STK39: variants seen among roughly 807,000 people sequenced by gnomAD.
STK39 encodes STE20/SPS1-related proline-alanine-rich protein kinase.
Under a neutral mutation model 77.8 loss-of-function variants are expected in STK39, and 20 were observed. That is an observed-to-expected ratio of 0.26 (90% CI 0.18 to 0.37). The LOEUF (loss-of-function observed/expected upper bound fraction) is 0.37. STK39 is among the 10% of genes least tolerant of loss of function. STK39 has a pLI of 1.00. For synonymous variants in STK39, 246 were observed against 234.1 expected (o/e 1.05, Z -0.47); for missense variants, 479 against 656.5 (o/e 0.73, Z 2.95).
intron 2 of STK39, 43 bp downstream of exon 2, chr2:168,181,935 T>C (rs200973074): frequency 6.4e-6 from 10 of 1,563,334 alleles, no homozygotes; most frequent in Non-Finnish European, 8.8e-6. Flanking sequence ...TACCCATAGA[T>C]TAAGAAAAGC....
intron 1 of STK39, among the ~76,000 whole-genome samples, chr2:168,241,532 C>A (rs1011147433): frequency 3.9e-5 from 6 of 152,228 alleles, no homozygotes; most frequent in African/African-American, 7.2e-5. Context: ...TTTCCTCCCA[C>A]AGCAGTGGAG....
At chr2:168,101,197 G>A (rs1686814502) in intron 10 of STK39, among the ~76,000 whole-genome samples, 2 of 152,082 alleles carry the variant, frequency 1.3e-5, no homozygotes, top group Admixed American at 1.3e-4. Context: ...TCACACACCA[G>A]GGCTTGTCGG....
At chr2:168,130,856 C>A (rs1458177417) in intron 8 of STK39, among the ~76,000 whole-genome samples, 1 of 152,158 alleles carries the variant, frequency 6.6e-6, no homozygotes, top group East Asian at 1.9e-4. Context: ...CTCAGCAAGA[C>A]AACTGGCCTG....
intron 17 of STK39, among the ~76,000 whole-genome samples, chr2:167,962,702 T>A (rs908317312): frequency 1.3e-5 from 2 of 152,148 alleles, no homozygotes; most frequent in South Asian, 4.1e-4. Context: ...TCCCAGCCAA[T>A]GTAAATGTAC....
At chr2:168,123,439 T>C (rs963713213) in intron 10 of STK39, among the ~76,000 whole-genome samples, 4 of 152,304 alleles carry the variant, frequency 2.6e-5, no homozygotes, top group Middle Eastern at 3.4e-3. Context: ...CAGTGAAGTA[T>C]ATTTAGAGGT....
At chr2:168,091,383 C>T (rs1559092708) in intron 10 of STK39, among the ~76,000 whole-genome samples, 1 of 152,206 alleles carries the variant, frequency 6.6e-6, no homozygotes, top group South Asian at 2.1e-4. Flanking sequence ...TCATTCAAAA[C>T]TCACAAAAAT....
intron 16 of STK39, among the ~76,000 whole-genome samples, chr2:167,969,824 A>T (rs1316625527): frequency 6.6e-6 from 1 of 152,162 alleles, no homozygotes; most frequent in Non-Finnish European, 1.5e-5. Flanking sequence ...ATGTAGGCAG[A>T]CCATGTTACT....
chr2:168,203,247 G>C (rs1689657177), intron 1 of STK39, among the ~76,000 whole-genome samples: 1 of 152,108 alleles, frequency 6.6e-6, no homozygotes, highest in Admixed American at 6.5e-5. Context: ...GGTTCTGCCT[G>C]AAAGAAGAAA....
At chr2:168,123,008 T>A (rs1046208220) in intron 10 of STK39, among the ~76,000 whole-genome samples, 1 of 152,232 alleles carries the variant, frequency 6.6e-6, no homozygotes, top group African/African-American at 2.4e-5. Flanking sequence ...AAAGTGAACG[T>A]TGCCAGTAAA....
In STK39 at chr2:168,247,299, G is replaced by GCCGGGT; in HGVS notation, c.136_137insACCCGG (p.Pro45_Ala46insAspPro). 1.9e-6 allele frequency: 2 copies of GCCGGGT among 1,033,228 alleles called. No individual in the cohort carries two copies. The highest frequency in any genetic ancestry group is 2.3e-6 in the Non-Finnish European group (2 of 858,872). 64.0% of individuals were successfully genotyped at this position (1,033,228 alleles called of 1,614,324 possible). ...GACAGCCTGTGCCGCCGGGGCCGGG[G>GCCGGGT]CCGGGGCCGGGGCCGCGGGAGCTGC... On this transcript the variant is annotated inframe_insertion, in exon 1 of 18. Transcript: ENST00000355999.
chr2:168,210,082 A>AAGG (rs1207757423), intron 1 of STK39, among the ~76,000 whole-genome samples: 2,639 of 128,780 alleles, frequency 0.02, 67 homozygotes, highest in African/African-American at 0.047. Context: ...AGGAAGGAAG[A>AAGG]AAGAAACTCA....
At chr2:168,235,025 T>G (rs1055516897) in intron 1 of STK39, among the ~76,000 whole-genome samples, 7 of 149,564 alleles carry the variant, frequency 4.7e-5, no homozygotes, top group African/African-American at 2.4e-5. Context: ...ACCTTAAAAT[T>G]TATTGAGTCA....
Position 168,247,087 on chromosome 2 carries a change from A to AC in STK39, c.208+140_208+141insG, listed in dbSNP as rs1690937978. 1.7e-5 allele frequency: 5 copies of AC among 296,730 alleles called. No individual in the cohort carries two copies. In the Admixed American group the frequency reaches 2.7e-4, roughly 16 times the overall value. The allele number at this position is 296,730 out of a possible 1,614,324, so 18.4% of individuals were successfully genotyped here. A position where few individuals can be genotyped will look rare whatever the true frequency, so the allele number is the denominator to read the frequency against. Reference sequence around the variant, plus strand: ...AAAAAAAAAAAAAAAAAAAAAAAAAAAACTGTTGAAGCCAGTAGGCCCCGA... The same window carrying AC: ...AAAAAAAAAAAAAAAAAAAAAAAAAACAACTGTTGAAGCCAGTAGGCCCCGA... On this transcript the variant is annotated intron_variant, in intron 1 of 17. Coordinates refer to ENST00000355999, the MANE Select transcript of STK39 (RefSeq NM_013233.3).
chr2:168,203,665 T>C (rs1487488428), intron 1 of STK39, among the ~76,000 whole-genome samples: 1 of 152,192 alleles, frequency 6.6e-6, no homozygotes, highest in Admixed American at 6.5e-5. Flanking sequence ...CAATCTCGGC[T>C]CTCTGCAACC....
intron 14 of STK39, among the ~76,000 whole-genome samples, chr2:168,042,579 T>C (rs1282294512): frequency 2.2e-4 from 7 of 32,530 alleles, no homozygotes; most frequent in Non-Finnish European, 4.5e-4. Context: ...CCTTCCTTCT[T>C]TTTTTTTTTT....
chr2:168,125,238 G>GCACACAGCC (rs1687511275), intron 10 of STK39, among the ~76,000 whole-genome samples: 1 of 151,758 alleles, frequency 6.6e-6, no homozygotes, highest in Non-Finnish European at 1.5e-5. Flanking sequence ...AAAAGAAGAT[G>GCACACAGCC]CACACAGCCC....
rs1232215367 is a variant in STK39 at position 167,955,416 on chromosome 2, T to C, written c.*80A>G. 7.2e-7 allele frequency: 1 copy of C among 1,380,194 alleles called. No individual in the cohort carries two copies. The highest frequency in any genetic ancestry group is 1.0e-6 in the Non-Finnish European group (1 of 995,322). The allele number at this position is 1,380,194 out of a possible 1,614,324, so 85.5% of individuals were successfully genotyped here. A position where few individuals can be genotyped will look rare whatever the true frequency, so the allele number is the denominator to read the frequency against. On this transcript the variant is annotated 3_prime_UTR_variant, in exon 18 of 18. Coordinates refer to ENST00000355999, the MANE Select transcript of STK39 (RefSeq NM_013233.3). ...ATGGGAGTGAGGGGGTGGGAGGAAA[T>C]GGGCAGAAAGAGGGAGGGTTGAAGG...
chr2:168,138,270 A>G, intron 7 of STK39, 49 bp from the exon 8 acceptor site: 1 of 1,568,608 alleles, frequency 6.4e-7, no homozygotes, highest in East Asian at 2.3e-5. Flanking sequence ...AGCAATTGCT[A>G]CAATCTAGTT....
intron 1 of STK39, among the ~76,000 whole-genome samples, chr2:168,192,946 C>T (rs916118622): frequency 2.6e-5 from 4 of 152,278 alleles, no homozygotes; most frequent in Admixed American, 2.6e-4. Flanking sequence ...CTCTTCAAAT[C>T]CCACTCCTGA....
Sources: gnomAD v4.1 joint callset for allele counts (sites outside exome capture counted in the v4.1 genomes callset) on GRCh38, gnomAD v4.1.1 for gene constraint, MANE v1.5 for transcripts, NCBI Gene and HGNC (gene_info 2026-07-23, HGNC 2026-07-21) for gene names.